Variants in KANK1 observed in about 807,000 individuals in gnomAD.
KANK1 encodes KN motif and ankyrin repeat domains 1.
In KANK1, 109 loss-of-function variants were observed where a neutral mutation model predicts 106.2. The observed-to-expected ratio is 1.03, with a 90% confidence interval of 0.88 to 1.20. The LOEUF is 1.20. Ranked by LOEUF, KANK1 falls within the 50% of genes most tolerant of loss-of-function variation. KANK1 has a pLI of 0.00. For synonymous variants in KANK1, 873 were observed against 652.2 expected (o/e 1.34, Z -5.16); for missense variants, 2,399 against 1,710.7 (o/e 1.40, Z -7.10).
intron 1 of KANK1, among the ~76,000 whole-genome samples, chr9:579,325 C>T (rs548018470): frequency 3.3e-5 from 5 of 152,220 alleles, no homozygotes; most frequent in South Asian, 4.1e-4. Flanking sequence ...AGGAACAAAA[C>T]AAACTTGGGG....
chr9:505,506 G>T (rs1303453371), intron 1 of KANK1, among the ~76,000 whole-genome samples: 1 of 152,248 alleles, frequency 6.6e-6, no homozygotes, highest in Admixed American at 6.5e-5. Context: ...GCCGCTTTGG[G>T]CAACACGCAG....
intron 1 of KANK1, among the ~76,000 whole-genome samples, chr9:644,247 C>T (rs1408876570): frequency 2.0e-5 from 3 of 150,878 alleles, no homozygotes; most frequent in Non-Finnish European, 2.9e-5. Context: ...TCTGGGAAAG[C>T]ACTTAAACAA....
In KANK1 at chr9:512,249, G is replaced by GTGTGTGTGTGTGTGTGTGTGTATA. The variant is rs370159663; in HGVS notation, c.-84+7496_-84+7497insGTGTGTGTGTGTGTGTGTGTATAT. On this transcript the variant is annotated intron_variant, in intron 1 of 11. Transcript: ENST00000382297. ...ACCAATAGTGTGTGTGTGTGTGTGT[G>GTGTGTGTGTGTGTGTGTGTGTATA]TATGTATATACACACACACAAGATT... 3.6e-3 allele frequency among the ~76,000 whole-genome samples: 539 copies of GTGTGTGTGTGTGTGTGTGTGTATA among 149,604 alleles called. 2 individuals are homozygous for GTGTGTGTGTGTGTGTGTGTGTATA. Among genetic ancestry groups the GTGTGTGTGTGTGTGTGTGTGTATA allele is most frequent in the African/African-American group, 0.013 (520 of 40,072 alleles).
chr9:682,759 G>C (rs1239698950), intron 2 of KANK1, among the ~76,000 whole-genome samples: 1 of 152,154 alleles, frequency 6.6e-6, no homozygotes, highest in Non-Finnish European at 1.5e-5. Flanking sequence ...TGTGGGGCTT[G>C]AATCTCGTTA....
intron 1 of KANK1, chr9:540,774 C>T (rs1384023789): frequency 6.6e-6 from 1 of 152,068 alleles, no homozygotes; most frequent in Non-Finnish European, 1.5e-5. Context: ...AGGAATTTAT[C>T]CATTTGTTCT....
At chr9:552,363 C>T (rs1366258049) in intron 1 of KANK1, among the ~76,000 whole-genome samples, 1 of 152,096 alleles carries the variant, frequency 6.6e-6, no homozygotes, top group East Asian at 1.9e-4. Flanking sequence ...GGTGATTGCC[C>T]AAGCCAAGAC....
At chr9:518,611 G>A (rs2059404778) in intron 1 of KANK1, among the ~76,000 whole-genome samples, 1 of 151,738 alleles carries the variant, frequency 6.6e-6, no homozygotes, top group South Asian at 2.1e-4. Flanking sequence ...TGGTGTTTAA[G>A]TGTGTAAAGA....
intron 1 of KANK1, among the ~76,000 whole-genome samples, chr9:597,668 T>C (rs1361666815): frequency 6.6e-6 from 1 of 151,614 alleles, no homozygotes; most frequent in Non-Finnish European, 1.5e-5. Context: ...TTTTAATTTT[T>C]ATTTATTTTT....
At chr9:625,585 GA>G (rs149343773) in intron 1 of KANK1, among the ~76,000 whole-genome samples, 4,303 of 147,218 alleles carry the variant, frequency 0.029, 205 homozygotes, top group African/African-American at 0.099. Flanking sequence ...GGAGTATCTG[GA>G]AAAAAAAAAC....
chr9:711,791 G>T lies in KANK1; in HGVS notation c.1025G>T (p.Gly342Val). 6.2e-7 allele frequency: 1 copy of T among 1,614,174 alleles called. No individual in the cohort carries two copies. Among genetic ancestry groups the T allele is most frequent in the Non-Finnish European group, 8.5e-7 (1 of 1,180,020 alleles). The change falls in exon 3 of 12, where the codon GGC (glycine) becomes GTC (valine). Residue 342 changes from glycine (G) to valine (V), a missense_variant. Gly to Val is a moderately radical substitution (Grantham distance 109). Transcript: ENST00000382297. Reference protein sequence around the residue: ...LEQLSRARRSGGELYIDYEEE... With the variant: ...LEQLSRARRSVGELYIDYEEE... Reference sequence around the variant, plus strand: ...CAGCTCTCCCGGGCCCGAAGAAGTGGCGGGGAATTATACATTGACTATGAG... The same window carrying T: ...CAGCTCTCCCGGGCCCGAAGAAGTGTCGGGGAATTATACATTGACTATGAG...
At chr9:582,765 A>C (rs1822492141) in intron 1 of KANK1, among the ~76,000 whole-genome samples, 1 of 152,228 alleles carries the variant, frequency 6.6e-6, no homozygotes, top group Admixed American at 6.5e-5. Flanking sequence ...ATGCCTCTTC[A>C]TCTAGAATTT....
At chr9:626,911 T>C (rs1348249291) in intron 1 of KANK1, among the ~76,000 whole-genome samples, 3 of 151,908 alleles carry the variant, frequency 2.0e-5, no homozygotes, top group Non-Finnish European at 4.4e-5. Flanking sequence ...GCGGCTGCTA[T>C]TGGTGTTTTA....
chr9:667,259 G>A (rs1313772273), intron 1 of KANK1, among the ~76,000 whole-genome samples: 1 of 151,470 alleles, frequency 6.6e-6, no homozygotes, highest in Non-Finnish European at 1.5e-5. Context: ...GTACTCCTAT[G>A]GTCTCTGTTG....
intron 1 of KANK1, among the ~76,000 whole-genome samples, chr9:530,081 C>T (rs865919329): frequency 2.0e-5 from 3 of 152,060 alleles, no homozygotes; most frequent in South Asian, 2.1e-4. Context: ...TGTGTTTCTG[C>T]GAACTGTTCA....
chr9:686,801 T>G (rs898445497), intron 2 of KANK1: 1 of 985,276 alleles, frequency 1.0e-6, no homozygotes, highest in African/African-American at 1.7e-5. Context: ...TGGAGCTGAG[T>G]GTTCTCTGAG....
intron 2 of KANK1, among the ~76,000 whole-genome samples, chr9:698,163 G>C (rs947597355): frequency 6.6e-6 from 1 of 152,218 alleles, no homozygotes; most frequent in African/African-American, 2.4e-5. Flanking sequence ...GCTGGAAACA[G>C]CGTGCTGCCC....
At position 699,535 on chromosome 9, in the gene KANK1, T is replaced by C. The variant is rs116103084; in HGVS notation, c.38-11269T>C. On this transcript the variant is annotated intron_variant, in intron 2 of 11. Coordinates refer to ENST00000382297, the MANE Select transcript of KANK1 (RefSeq NM_015158.5). ...TTAAAAAAGTCCAGATAAGATTATC[T>C]GTGAGAGGAAATCCAAAGATTTGTG... 3.5e-3 allele frequency among the ~76,000 whole-genome samples: 539 copies of C among 152,230 alleles called. 1 individual carries two copies. The highest frequency in any genetic ancestry group is 0.012 in the African/African-American group (510 of 41,526).
intron 1 of KANK1, among the ~76,000 whole-genome samples, chr9:541,595 C>T (rs1289786731): frequency 6.6e-6 from 1 of 151,838 alleles, no homozygotes; most frequent in African/African-American, 2.4e-5. Flanking sequence ...AAAAGTATCA[C>T]AGAAGCAAAC....
rs533541164 is a variant in KANK1, at chr9:593,150, C to T, written c.-83-83740C>T. 4.5e-4 allele frequency among the ~76,000 whole-genome samples: 68 copies of T among 151,888 alleles called. 2 individuals carry two copies. The highest frequency in any genetic ancestry group is 1.0e-3 in the African/African-American group (42 of 41,196). ...TTTGAACATTCCAGTGACTACCTTT[C>T]CTAACTGCCTCTTATCTCTAGATGT... On this transcript the variant is annotated intron_variant, in intron 1 of 11. Coordinates refer to ENST00000382297, the MANE Select transcript of KANK1 (RefSeq NM_015158.5).
Sources: gnomAD v4.1 joint callset for allele counts (sites outside exome capture counted in the v4.1 genomes callset) on GRCh38, gnomAD v4.1.1 for gene constraint, MANE v1.5 for transcripts, NCBI Gene and HGNC (gene_info 2026-07-23, HGNC 2026-07-21) for gene names.